Variants in ANK3 observed in about 807,000 individuals in gnomAD.
ANK3 encodes the protein ankyrin 3.
ANK3 carries 57 observed loss-of-function variants against 370.9 expected under a neutral mutation model. The observed-to-expected ratio is 0.15, with a 90% CI of 0.12 to 0.19. The LOEUF (loss-of-function observed/expected upper bound fraction) is 0.19, where lower values mean the gene tolerates loss of function less well. ANK3 is among the 10% of genes least tolerant of loss of function. ANK3 has a pLI of 1.00. For synonymous variants in ANK3, 1,929 were observed against 1,946.3 expected, an observed-to-expected ratio of 0.99 and a Z score of 0.23; for missense variants, 4,439 against 5,302.1, an observed-to-expected ratio of 0.84 and a Z score of 5.06.
rs2393603 is a variant in ANK3, at chr10:60,042,584, C to A, written c.*19+88G>T. The A allele has an allele frequency of 0.75, 969,252 of 1,291,042 alleles. 365,828 individuals carry two copies. The highest frequency in any genetic ancestry group is 0.79 in the East Asian group (33,108 of 42,084). 80.0% of individuals were successfully genotyped at this position (1,291,042 alleles called of 1,614,324 possible). A position where few individuals can be genotyped will look rare whatever the true frequency, so the allele number is the denominator to read the frequency against. On this transcript the variant is annotated intron_variant, in intron 43 of 43. Transcript: ENST00000280772. ...CTGAAATTCAGTGAAAAGGAAAGGA[C>A]GGGGAAAATCAGAATCACTTATTTA...
intron 1 of ANK3, among the ~76,000 whole-genome samples, chr10:60,653,786 T>C (rs148170764): frequency 1.3e-5 from 2 of 152,046 alleles, no homozygotes; most frequent in Non-Finnish European, 2.9e-5. Context: ...GAGAATCACT[T>C]GGGCCCAGGA....
intron 2 of ANK3, among the ~76,000 whole-genome samples, chr10:60,534,311 C>T (rs939789914): frequency 5.3e-5 from 8 of 152,030 alleles, no homozygotes; most frequent in Admixed American, 2.0e-4. Context: ...ATTGCTTCTG[C>T]GCCTCAGCCT....
intron 2 of ANK3, among the ~76,000 whole-genome samples, chr10:60,479,400 G>A (rs1346897463): frequency 1.3e-5 from 2 of 152,236 alleles, no homozygotes; most frequent in South Asian, 2.1e-4. Context: ...TATAGCCTAG[G>A]TGTGTAGTAG....
At chr10:60,056,898 G>T (rs1219560546) in intron 41 of ANK3, among the ~76,000 whole-genome samples, 2 of 152,144 alleles carry the variant, frequency 1.3e-5, no homozygotes, top group African/African-American at 4.8e-5. Flanking sequence ...AGTGGTGCAT[G>T]CCTGTAGTCC....
At position 60,558,093 on chromosome 10, in the gene ANK3, A is replaced by G. The variant is rs138519717; in HGVS notation, c.96+57093T>C. On this transcript the variant is annotated intron_variant, in intron 2 of 43. Transcript: ENST00000373827. Reference sequence around the variant, plus strand: ...CCTTTGCACCTTCTTCAGCAAACACACAGCAATGCAGCAAACCCCACCTAT... The same window carrying G: ...CCTTTGCACCTTCTTCAGCAAACACGCAGCAATGCAGCAAACCCCACCTAT... Among the ~76,000 whole-genome samples, 228 of 152,288 alleles carry G rather than the reference A, an allele frequency of 1.5e-3. 1 individual carries two copies. The highest frequency in any genetic ancestry group is 5.1e-3 in the African/African-American group (212 of 41,558).
At chr10:60,326,253 C>A (rs1461916375) in intron 1 of ANK3, among the ~76,000 whole-genome samples, 1 of 152,026 alleles carries the variant, frequency 6.6e-6, no homozygotes, top group African/African-American at 2.4e-5. Flanking sequence ...ATATAACACA[C>A]CTGCACGTGT....
intron 2 of ANK3, among the ~76,000 whole-genome samples, chr10:60,411,556 G>T (rs2063561061): frequency 6.6e-6 from 1 of 152,150 alleles, no homozygotes; most frequent in South Asian, 2.1e-4. Flanking sequence ...GGGAACACTG[G>T]CAGAGAGCCT....
chr10:60,320,763 G>T (rs1018268779), intron 1 of ANK3, among the ~76,000 whole-genome samples: 5 of 152,220 alleles, frequency 3.3e-5, no homozygotes, highest in African/African-American at 1.2e-4. Flanking sequence ...TGAGAGAAAA[G>T]GTTTGTTTGG....
chr10:60,330,522 G>A (rs1168994573), intron 1 of ANK3, among the ~76,000 whole-genome samples: 2 of 152,270 alleles, frequency 1.3e-5, no homozygotes, highest in East Asian at 3.9e-4. Context: ...TGAAAAAAAA[G>A]CTCATCATCA....
intron 2 of ANK3, among the ~76,000 whole-genome samples, chr10:60,505,550 CG>C (rs750437969): frequency 6.6e-6 from 1 of 152,032 alleles, no homozygotes; most frequent in Non-Finnish European, 1.5e-5. Flanking sequence ...GGGAAAGAAC[CG>C]GAAGTTCTTC....
chr10:60,241,401 G>T (rs1218364542), intron 7 of ANK3, among the ~76,000 whole-genome samples: 2 of 151,934 alleles, frequency 1.3e-5, no homozygotes, highest in Admixed American at 1.3e-4. Context: ...ATTTTTTCCT[G>T]TTCATTCAAA....
intron 2 of ANK3, among the ~76,000 whole-genome samples, chr10:60,487,472 C>T (rs2085268121): frequency 6.6e-6 from 1 of 152,134 alleles, no homozygotes; most frequent in African/African-American, 2.4e-5. Flanking sequence ...TTGAGCATGA[C>T]AGATGGGCAG....
At chr10:60,519,316 T>A (rs1282326155) in intron 2 of ANK3, among the ~76,000 whole-genome samples, 1 of 152,080 alleles carries the variant, frequency 6.6e-6, no homozygotes, top group Non-Finnish European at 1.5e-5. Flanking sequence ...TGTCCTGTAT[T>A]TAAGACACTA....
At chr10:60,258,953 T>A (rs1363669368) in intron 7 of ANK3, among the ~76,000 whole-genome samples, 1 of 152,210 alleles carries the variant, frequency 6.6e-6, no homozygotes, top group Non-Finnish European at 1.5e-5. Context: ...TGGTTACAAT[T>A]TGCAGCCAAT....
intron 7 of ANK3, among the ~76,000 whole-genome samples, chr10:60,236,578 C>A (rs911320127): frequency 6.6e-6 from 1 of 152,152 alleles, no homozygotes; most frequent in Non-Finnish European, 1.5e-5. Context: ...ATGTCCTTTT[C>A]TCCCTGTATT....
chr10:60,525,686 T>G (rs2076452111), intron 2 of ANK3, among the ~76,000 whole-genome samples: 2 of 152,108 alleles, frequency 1.3e-5, no homozygotes, highest in African/African-American at 4.8e-5. Flanking sequence ...CCCTTTACCA[T>G]GTATTTTGGT....
At chr10:60,469,287 G>A (rs1476473544) in intron 2 of ANK3, among the ~76,000 whole-genome samples, 28 of 904 alleles carry the variant, frequency 0.031, 3 homozygotes, top group Admixed American at 0.078. Context: ...TTTAGTGTGT[G>A]TATATATATA....
chr10:60,065,097 G>A (rs967715390), intron 38 of ANK3, among the ~76,000 whole-genome samples: 1 of 152,114 alleles, frequency 6.6e-6, no homozygotes, highest in Non-Finnish European at 1.5e-5. Context: ...CACACAGGAG[G>A]TTATATGATG....
intron 23 of ANK3, among the ~76,000 whole-genome samples, chr10:60,143,383 T>C (rs1457879073): frequency 6.6e-6 from 1 of 152,212 alleles, no homozygotes; most frequent in African/African-American, 2.4e-5. Context: ...CTTTCTCTAA[T>C]CCACTATATA....
Sources: allele counts gnomAD v4.1 joint callset (sites outside exome capture counted in the v4.1 genomes callset), GRCh38; gene constraint gnomAD v4.1.1; transcripts MANE v1.5; gene names NCBI Gene and HGNC (gene_info 2026-07-23, HGNC 2026-07-21).